The following CCDC12 variants were observed in gnomAD, a reference collection of about 807,000 sequenced individuals.
CCDC12 encodes coiled-coil domain-containing protein 12.
CCDC12 carries 28 observed loss-of-function variants against 25.7 expected under a neutral mutation model. The ratio of observed to expected loss-of-function variants is 1.09; its 90% confidence interval spans 0.81 to 1.50. CCDC12 has a LOEUF of 1.50. Among genes scored for constraint, CCDC12 ranks in the 40% most tolerant of loss-of-function variants. CCDC12 has a pLI of 0.00. For synonymous variants in CCDC12, 75 were observed against 87.7 expected (o/e 0.86, Z 0.81); for missense variants, 198 against 210.0 (o/e 0.94, Z 0.35).
chr3:46,944,046 A>G (rs951033535), intron 1 of CCDC12, among the ~76,000 whole-genome samples: 5 of 152,172 alleles, frequency 3.3e-5, no homozygotes, highest in African/African-American at 1.2e-4. Flanking sequence ...TGCCCGGGAT[A>G]GTGGAGGGAA....
intron 1 of CCDC12, among the ~76,000 whole-genome samples, chr3:46,962,005 C>T (rs1198824462): frequency 1.3e-5 from 2 of 152,106 alleles, no homozygotes; most frequent in Non-Finnish European, 2.9e-5. Context: ...GTAAAACAAG[C>T]AAACTTCTAG....
chr3:46,972,946 C>T (rs1308374233), intron 1 of CCDC12, among the ~76,000 whole-genome samples: 1 of 151,978 alleles, frequency 6.6e-6, no homozygotes, highest in African/African-American at 2.4e-5. Flanking sequence ...CAGCTGTTTT[C>T]CCTACACATA....
At chr3:46,974,521 T>C (rs933660259) in intron 1 of CCDC12, among the ~76,000 whole-genome samples, 1 of 152,138 alleles carries the variant, frequency 6.6e-6, no homozygotes, top group Non-Finnish European at 1.5e-5. Flanking sequence ...AACTAGCCAT[T>C]GTTTGAAAGG....
At chr3:46,975,146 G>A (rs1007924973) in intron 1 of CCDC12, among the ~76,000 whole-genome samples, 1 of 151,932 alleles carries the variant, frequency 6.6e-6, no homozygotes. Context: ...AGGCTAGTAG[G>A]CCCATCCCCA....
At chr3:46,955,705 C>T (rs968622567) in intron 1 of CCDC12, among the ~76,000 whole-genome samples, 5 of 152,274 alleles carry the variant, frequency 3.3e-5, no homozygotes, top group South Asian at 2.1e-4. Context: ...CAATATGATT[C>T]GAGTATTTTA....
chr3:46,979,686 A>C (rs1055749717), upstream of CCDC12: 9 of 315,282 alleles, frequency 2.9e-5, no homozygotes, highest in African/African-American at 1.8e-4. Context: ...AGGAGCGAGC[A>C]GACTTGGGTG....
chr3:46,954,578 T>C (rs2034228939), intron 1 of CCDC12, among the ~76,000 whole-genome samples: 1 of 152,218 alleles, frequency 6.6e-6, no homozygotes, highest in Non-Finnish European at 1.5e-5. Context: ...GTGGGTAGAT[T>C]TGTTCTTAAA....
At position 46,961,967 on chromosome 3, in the gene CCDC12, G is replaced by A. The variant is rs912162245; in HGVS notation, c.96+14670C>T. ...ACGCACACCACACAAAAGTAAATTC[G>A]AGATGGGTTAGAGGTCTAAAGGTTA... On this transcript the variant is annotated intron_variant, in intron 1 of 6. Transcript: ENST00000683445. Among the ~76,000 whole-genome samples, 4 of 152,136 alleles carry A rather than the reference G, an allele frequency of 2.6e-5. No individual in the cohort carries two copies. In the East Asian group the frequency reaches 5.8e-4, roughly 22 times the overall value.
chr3:46,947,664 G>C (rs532285903), intron 1 of CCDC12, among the ~76,000 whole-genome samples: 2 of 152,244 alleles, frequency 1.3e-5, no homozygotes, highest in South Asian at 4.1e-4. Context: ...AGGATGACTT[G>C]GTCCGAGTAT....
chr3:46,940,720 G>A lies in CCDC12; in HGVS notation c.164+278C>T, dbSNP rs1190316356. ...AATGGAGAACCACGCCACAAAAGGT[G>A]TATGAGAAGGGTAAAAAGGCATAAT... On this transcript the variant is annotated intron_variant, in intron 2 of 6. Coordinates refer to ENST00000683445, the MANE Select transcript of CCDC12 (RefSeq NM_001277074.2). 7 of 461,532 alleles carry A rather than the reference G, an allele frequency of 1.5e-5. No individual in the cohort carries two copies. The East Asian group carries it at 2.2e-4, about 14-fold the overall frequency. 28.6% of individuals were successfully genotyped at this position (461,532 alleles called of 1,614,324 possible).
At chr3:46,969,434 T>C (rs1466959822) in intron 1 of CCDC12, among the ~76,000 whole-genome samples, 1 of 152,242 alleles carries the variant, frequency 6.6e-6, no homozygotes, top group African/African-American at 2.4e-5. Context: ...TGTCTTGTTA[T>C]GTTGCCCATG....
intron 2 of CCDC12, among the ~76,000 whole-genome samples, chr3:46,925,884 C>A (rs2032936917): frequency 1.3e-5 from 2 of 152,208 alleles, no homozygotes; most frequent in South Asian, 4.1e-4. Context: ...GAGACTGTAC[C>A]CTTTTCATAG....
chr3:46,923,351 G>A lies in CCDC12; in HGVS notation c.319C>T (p.Leu107Phe), dbSNP rs1303407463. Residue 107 changes from leucine to phenylalanine, a missense_variant, in exon 5 of 7, where the codon CTC (leucine) becomes TTC (phenylalanine). Leu to Phe is a conservative substitution (Grantham distance 22). Transcript: ENST00000683445. Reference protein sequence around the residue: ...PVIEEVDLANLAPRKPDWDLK... With the variant: ...PVIEEVDLANFAPRKPDWDLK... ...CACCAGTCAGGCTTCCGAGGAGCGA[G>A]GTTGGCCAGGTCCTGGGAAGGGAGG... 1 of 1,493,014 alleles carries A rather than the reference G, an allele frequency of 6.7e-7. No homozygotes were observed. Among genetic ancestry groups the A allele is most frequent in the East Asian group, 2.4e-5 (1 of 41,366 alleles). 92.5% of individuals were successfully genotyped at this position (1,493,014 alleles called of 1,614,324 possible).
At chr3:46,977,681 A>G (rs1214588596), upstream of CCDC12, among the ~76,000 whole-genome samples, 5 of 152,126 alleles carry the variant, frequency 3.3e-5, no homozygotes, top group Admixed American at 2.6e-4. Flanking sequence ...CTCTGGACTC[A>G]AAGATGATCC....
At chr3:46,938,323 G>T (rs1428123454) in intron 2 of CCDC12, among the ~76,000 whole-genome samples, 1 of 152,092 alleles carries the variant, frequency 6.6e-6, no homozygotes, top group Non-Finnish European at 1.5e-5. Flanking sequence ...ACATGGCAGG[G>T]CCTCTTTTAT....
chr3:46,956,986 T>C (rs1004594942), intron 1 of CCDC12, among the ~76,000 whole-genome samples: 16 of 152,120 alleles, frequency 1.1e-4, no homozygotes, highest in African/African-American at 3.9e-4. Context: ...TCCCAAGTTA[T>C]TCTATGGGCT....
intron 1 of CCDC12, among the ~76,000 whole-genome samples, chr3:46,973,131 G>A (rs572813878): frequency 6.6e-6 from 1 of 151,796 alleles, no homozygotes; most frequent in East Asian, 1.9e-4. Flanking sequence ...GAGGTGGGTG[G>A]ATCACCTGAG....
intron 2 of CCDC12, among the ~76,000 whole-genome samples, chr3:46,930,076 T>A (rs1162944395): frequency 6.8e-6 from 1 of 147,040 alleles, no homozygotes; most frequent in African/African-American, 2.5e-5. Flanking sequence ...GGTCTCCCTA[T>A]GTTGCTCAGG....
intron 1 of CCDC12, among the ~76,000 whole-genome samples, chr3:46,958,665 G>A (rs899562243): frequency 2.0e-5 from 3 of 152,140 alleles, no homozygotes; most frequent in Non-Finnish European, 4.4e-5. Flanking sequence ...GAGAACCCAA[G>A]ATAAGGGCAG....
Sources: gnomAD v4.1 joint callset for allele counts (sites outside exome capture counted in the v4.1 genomes callset) on GRCh38, gnomAD v4.1.1 for gene constraint, MANE v1.5 for transcripts, NCBI Gene and HGNC (gene_info 2026-07-23, HGNC 2026-07-21) for gene names.